PRAG1: variants seen among roughly 807,000 people sequenced by gnomAD.
PRAG1 encodes the protein inactive tyrosine-protein kinase PRAG1.
PRAG1 carries 110 observed loss-of-function variants against 95.6 expected under a neutral mutation model. The observed-to-expected ratio is 1.15, with a 90% confidence interval of 0.99 to 1.35. The LOEUF (loss-of-function observed/expected upper bound fraction) is 1.35, where lower values mean the gene tolerates loss of function less well. Among genes scored for constraint, PRAG1 ranks in the 40% most tolerant of loss-of-function variants. The probability of loss-of-function intolerance (pLI) is 0.00; values close to 1 mark genes in which losing one functional copy is unlikely to be tolerated. For synonymous variants in PRAG1, 1,052 were observed against 819.4 expected (o/e 1.28, Z -4.85); for missense variants, 2,554 against 1,864.7 (o/e 1.37, Z -6.81).
In PRAG1 at chr8:8,381,836, T is replaced by C. The variant is rs1431967576; in HGVS notation, c.-87-2A>G. 2 of 1,073,868 alleles carry C rather than the reference T, an allele frequency of 1.9e-6. No individual in the cohort carries two copies. The allele number at this position is 1,073,868 out of a possible 1,614,324, so 66.5% of individuals were successfully genotyped here. On this transcript the variant is annotated splice_acceptor_variant, in intron 1 of 5. Transcript: ENST00000615670. LOFTEE classifies it low-confidence loss of function (5UTR_SPLICE). ...AGAGGTGGGTCACAGAGCGGCTTCC[T>C]AGAAAGGCAGGACAGTTTCCTGATT...
intron 5 of PRAG1, among the ~76,000 whole-genome samples, chr8:8,326,387 A>T (rs938372552): frequency 6.6e-6 from 1 of 152,070 alleles, no homozygotes; most frequent in Non-Finnish European, 1.5e-5. Flanking sequence ...CACTTTTCTA[A>T]CTGGAAAAAA....
At chr8:8,382,230 C>T (rs1307918541) in intron 1 of PRAG1, among the ~76,000 whole-genome samples, 1 of 152,132 alleles carries the variant, frequency 6.6e-6, no homozygotes, top group Non-Finnish European at 1.5e-5. Flanking sequence ...GTCTGGGACG[C>T]TGACCCACAG....
At chr8:8,382,312 G>A (rs1400545104) in intron 1 of PRAG1, among the ~76,000 whole-genome samples, 1 of 152,186 alleles carries the variant, frequency 6.6e-6, no homozygotes, top group Non-Finnish European at 1.5e-5. Context: ...ACCAAGAACT[G>A]TGTGAGAGGG....
intron 5 of PRAG1, among the ~76,000 whole-genome samples, chr8:8,323,152 TG>T (rs1437234328): frequency 6.6e-6 from 1 of 152,202 alleles, no homozygotes; most frequent in Non-Finnish European, 1.5e-5. Context: ...CCCCTTCAGC[TG>T]GAAACATGCA....
chr8:8,363,170 T>C (rs1042951189), intron 3 of PRAG1, among the ~76,000 whole-genome samples: 8 of 151,256 alleles, frequency 5.3e-5, no homozygotes, highest in Middle Eastern at 3.4e-3. Context: ...CAAAGAGTTA[T>C]TGCAAAAAGC....
chr8:8,382,995 G>C (rs1487143863), intron 1 of PRAG1, among the ~76,000 whole-genome samples: 2 of 152,132 alleles, frequency 1.3e-5, no homozygotes, highest in Non-Finnish European at 2.9e-5. Context: ...GAATGTTCAA[G>C]AGCAAAATCT....
intron 3 of PRAG1, among the ~76,000 whole-genome samples, chr8:8,347,182 G>A (rs1450497966): frequency 6.6e-6 from 1 of 152,184 alleles, no homozygotes; most frequent in East Asian, 1.9e-4. Context: ...CCGTAGTGCT[G>A]TCCTCATCAG....
At chr8:8,327,629 A>T in intron 5 of PRAG1, 81 bp downstream of exon 5, 1 of 1,469,436 alleles carries the variant, frequency 6.8e-7, no homozygotes, top group Non-Finnish European at 9.2e-7. Context: ...GACAGGTGAA[A>T]TGACTTGCTC....
At chr8:8,359,396 G>A (rs1585256185) in intron 3 of PRAG1, among the ~76,000 whole-genome samples, 1 of 152,148 alleles carries the variant, frequency 6.6e-6, no homozygotes, top group African/African-American at 2.4e-5. Context: ...TATTACAGTT[G>A]CTATAGAAGT....
At chr8:8,363,102 T>C in intron 3 of PRAG1, among the ~76,000 whole-genome samples, 1 of 148,804 alleles carries the variant, frequency 6.7e-6, no homozygotes, top group East Asian at 1.9e-4. Flanking sequence ...TGTATATATA[T>C]ATATACTTAT....
intron 3 of PRAG1, among the ~76,000 whole-genome samples, chr8:8,370,977 A>G (rs2976969): frequency 1.3e-5 from 2 of 152,024 alleles, no homozygotes; most frequent in Non-Finnish European, 2.9e-5. Flanking sequence ...CATCTCTACT[A>G]AAATATAAAA....
chr8:8,365,509 A>C (rs931697362), intron 3 of PRAG1, among the ~76,000 whole-genome samples: 3 of 152,090 alleles, frequency 2.0e-5, no homozygotes, highest in African/African-American at 7.2e-5. Context: ...CTGTAATTCC[A>C]GCTACTCGGG....
rs781292176 is a variant in PRAG1, at chr8:8,376,772, G to A, written c.1637C>T (p.Pro546Leu). The A allele has an allele frequency of 1.9e-6, 3 of 1,610,846 alleles. No individual in the cohort carries two copies. Among genetic ancestry groups the A allele is most frequent in the Non-Finnish European group, 2.5e-6 (3 of 1,179,964 alleles). The change falls in exon 3 of 6, where the codon CCC (proline) becomes CTC (leucine). Residue 546 changes from proline (P) to leucine (L), a missense_variant. Physicochemically the swap from Pro to Leu is moderately conservative, Grantham distance 98. Coordinates refer to ENST00000615670, the MANE Select transcript of PRAG1 (RefSeq NM_001080826.3). Reference sequence around the variant, plus strand: ...TACAGGGCTACTCTTGGACAACTTGGGGGGAATGGCGGGCCTCTCCTTGGG... The same window carrying A: ...TACAGGGCTACTCTTGGACAACTTGAGGGGAATGGCGGGCCTCTCCTTGGG... ...SKPKERPAIP[P>L]KLSKSSPVGS... is the part of the protein sequence containing the mutation.
intron 3 of PRAG1, among the ~76,000 whole-genome samples, chr8:8,358,909 G>C (rs1468823879): frequency 6.6e-6 from 1 of 152,214 alleles, no homozygotes; most frequent in African/African-American, 2.4e-5. Flanking sequence ...TTACATAAAG[G>C]CTTATAGAAG....
chr8:8,349,408 G>A (rs1050046722), intron 3 of PRAG1, among the ~76,000 whole-genome samples: 2 of 151,214 alleles, frequency 1.3e-5, no homozygotes, highest in Admixed American at 6.6e-5. Context: ...AGCCTCCTGA[G>A]TAGCTGGTAC....
chr8:8,337,273 G>A (rs993408499), intron 4 of PRAG1, among the ~76,000 whole-genome samples: 7 of 152,170 alleles, frequency 4.6e-5, no homozygotes, highest in Non-Finnish European at 1.0e-4. Context: ...AGTAACTAAA[G>A]TTGCAATGGA....
At chr8:8,342,003 C>T (rs1283696240) in intron 3 of PRAG1, among the ~76,000 whole-genome samples, 6 of 152,010 alleles carry the variant, frequency 3.9e-5, no homozygotes, top group Admixed American at 6.5e-5. Context: ...TAGTGGCCTG[C>T]GCCTGTAATC....
intron 3 of PRAG1, among the ~76,000 whole-genome samples, chr8:8,355,835 A>G (rs1415819333): frequency 6.6e-6 from 1 of 152,222 alleles, no homozygotes; most frequent in East Asian, 1.9e-4. Flanking sequence ...AGAAAAGAAC[A>G]TAGGAAAATC....
At chr8:8,369,439 T>C (rs1468259891) in intron 3 of PRAG1, among the ~76,000 whole-genome samples, 2 of 152,206 alleles carry the variant, frequency 1.3e-5, no homozygotes, top group Non-Finnish European at 2.9e-5. Flanking sequence ...AATCTGGTTT[T>C]AGGATACACT....
Sources: gnomAD v4.1 joint callset for allele counts (sites outside exome capture counted in the v4.1 genomes callset) on GRCh38, gnomAD v4.1.1 for gene constraint, MANE v1.5 for transcripts, NCBI Gene and HGNC (gene_info 2026-07-23, HGNC 2026-07-21) for gene names.